The following PCDH7 variants were observed in gnomAD, a reference collection of about 807,000 sequenced individuals.
The protein encoded by PCDH7 is protocadherin 7, also known as protocadherin-7.
Under a neutral mutation model 58.9 loss-of-function variants are expected in PCDH7, and 17 were observed. The observed-to-expected ratio is 0.29, with a 90% confidence interval of 0.20 to 0.43. PCDH7 has a LOEUF of 0.43. Ranked by LOEUF, PCDH7 falls within the 20% of genes least tolerant of loss-of-function variation. The pLI is 1.00. For missense variants in PCDH7, 1,274 were observed against 1,441.0 expected, an observed-to-expected ratio of 0.88 and a Z score of 1.88; for synonymous variants, 664 against 616.4, an observed-to-expected ratio of 1.08 and a Z score of -1.14.
chr4:31,129,554 T>C (rs1036560573), intron 3 of PCDH7, among the ~76,000 whole-genome samples: 2 of 152,120 alleles, frequency 1.3e-5, no homozygotes, highest in Non-Finnish European at 2.9e-5. Context: ...GGAGGAGAGT[T>C]TTAAACTAGG....
chr4:30,799,824 T>C (rs1725288898), intron 1 of PCDH7, among the ~76,000 whole-genome samples: 1 of 152,086 alleles, frequency 6.6e-6, no homozygotes, highest in Non-Finnish European at 1.5e-5. Flanking sequence ...TTCAAGATTT[T>C]CTCAATTCTT....
At chr4:30,787,058 A>G (rs745706626) in intron 1 of PCDH7, among the ~76,000 whole-genome samples, 1 of 152,128 alleles carries the variant, frequency 6.6e-6, no homozygotes, top group African/African-American at 2.4e-5. Flanking sequence ...TTGCAATCTT[A>G]TCAATTACTG....
intron 1 of PCDH7, among the ~76,000 whole-genome samples, chr4:30,797,430 G>A (rs188446018): frequency 6.6e-6 from 1 of 151,870 alleles, no homozygotes; most frequent in South Asian, 2.1e-4. Flanking sequence ...CCGCCACCAC[G>A]CCCGGCTAAT....
intron 1 of PCDH7, among the ~76,000 whole-genome samples, chr4:30,864,432 AACACACACACAC>A (rs5857208): frequency 7.5e-5 from 11 of 146,570 alleles, no homozygotes; most frequent in East Asian, 2.0e-4. Context: ...ATTATTGGAG[AACACACACACAC>A]ACACACACAC....
intron 1 of PCDH7, among the ~76,000 whole-genome samples, chr4:30,867,604 A>G (rs1040747591): frequency 2.0e-5 from 3 of 152,060 alleles, no homozygotes; most frequent in African/African-American, 7.2e-5. Flanking sequence ...ACATCCGTGG[A>G]TTCAACTGAG....
intron 1 of PCDH7, among the ~76,000 whole-genome samples, chr4:30,895,135 CA>C (rs11385319): frequency 2.0e-4 from 29 of 144,196 alleles, no homozygotes; most frequent in East Asian, 1.4e-3. Flanking sequence ...ACAATTTCAG[CA>C]AAAAAAAAAT....
At chr4:30,993,719 G>A (rs1363289962) in intron 3 of PCDH7, among the ~76,000 whole-genome samples, 2 of 151,506 alleles carry the variant, frequency 1.3e-5, no homozygotes. Flanking sequence ...TAAGAGATTT[G>A]AAGACCATCT....
intron 1 of PCDH7, among the ~76,000 whole-genome samples, chr4:30,841,042 A>C (rs755626824): frequency 6.6e-6 from 1 of 152,140 alleles, no homozygotes; most frequent in African/African-American, 2.4e-5. Context: ...AAGACTATGG[A>C]ATTTAAATAA....
At chr4:30,818,754 A>G (rs901460480) in intron 1 of PCDH7, among the ~76,000 whole-genome samples, 5 of 152,142 alleles carry the variant, frequency 3.3e-5, no homozygotes, top group African/African-American at 1.2e-4. Context: ...CCAATAATAA[A>G]TAAGCATGAC....
chr4:31,016,898 GTGTGTGTGTGTGC>G (rs1018088029), intron 3 of PCDH7, among the ~76,000 whole-genome samples: 1 of 149,598 alleles, frequency 6.7e-6, no homozygotes, highest in Non-Finnish European at 1.5e-5. Context: ...TGTGTGCTGG[GTGTGTGTGTGTGC>G]TGTGTGTGTG....
chr4:31,143,824 C>T (rs986054774), downstream of PCDH7: 1 of 152,134 alleles, frequency 6.6e-6, no homozygotes, highest in African/African-American at 2.4e-5. Context: ...TTATAGTGCC[C>T]AGGAAAATGT....
intron 1 of PCDH7, among the ~76,000 whole-genome samples, chr4:30,797,529 C>G (rs963205076): frequency 6.6e-6 from 1 of 152,204 alleles, no homozygotes; most frequent in African/African-American, 2.4e-5. Context: ...CCGCCTCGGT[C>G]TCCCAAAGTG....
exon 2 of PCDH7, chr4:30,732,824 AC>A (rs1447897082): frequency 6.6e-6 from 1 of 152,082 alleles, no homozygotes; most frequent in Non-Finnish European, 1.5e-5. Flanking sequence ...AAATGCTGAC[AC>A]TCTCAAGGAT....
At chr4:31,064,631 C>A (rs574358865) in intron 3 of PCDH7, among the ~76,000 whole-genome samples, 4 of 151,890 alleles carry the variant, frequency 2.6e-5, no homozygotes, top group Admixed American at 2.6e-4. Context: ...GAAGCTATAT[C>A]GCTCCAATCT....
intron 3 of PCDH7, among the ~76,000 whole-genome samples, chr4:31,017,970 A>T (rs1753748468): frequency 6.6e-6 from 1 of 152,182 alleles, no homozygotes; most frequent in African/African-American, 2.4e-5. Flanking sequence ...TGAGTAACTC[A>T]AAGACAATTT....
chr4:30,907,216 G>T (rs1741062007), intron 1 of PCDH7, among the ~76,000 whole-genome samples: 1 of 152,074 alleles, frequency 6.6e-6, no homozygotes, highest in Non-Finnish European at 1.5e-5. Flanking sequence ...GGGAGTTAAA[G>T]AAATGGGCTT....
chr4:30,960,704 C>T (rs1748328356), intron 3 of PCDH7, among the ~76,000 whole-genome samples: 1 of 152,050 alleles, frequency 6.6e-6, no homozygotes, highest in South Asian at 2.1e-4. Context: ...TCAGGCTTTT[C>T]CTGGGTATTA....
intron 3 of PCDH7, among the ~76,000 whole-genome samples, chr4:30,999,610 G>A (rs1479715049): frequency 3.3e-5 from 5 of 152,046 alleles, no homozygotes; most frequent in African/African-American, 1.2e-4. Flanking sequence ...AGAAAAATGA[G>A]CAAGGGCCTT....
At chr4:30,896,889 CT>C (rs71190474) in intron 1 of PCDH7, among the ~76,000 whole-genome samples, 279 of 27,220 alleles carry the variant, frequency 0.01, no homozygotes, top group East Asian at 0.029. Context: ...TAGTTCTTTG[CT>C]TTTTTTTTTT....
Sources: gnomAD v4.1 joint callset for allele counts (sites outside exome capture counted in the v4.1 genomes callset) on GRCh38, gnomAD v4.1.1 for gene constraint, MANE v1.5 for transcripts, NCBI Gene and HGNC (gene_info 2026-07-23, HGNC 2026-07-21) for gene names.